The following ZCCHC17 variants were observed in gnomAD, a reference collection of about 807,000 sequenced individuals.
The protein encoded by ZCCHC17 is zinc finger CCHC-type containing 17.
A neutral mutation model predicts 30.6 loss-of-function variants in ZCCHC17; 18 were observed. The ratio of observed to expected loss-of-function variants is 0.59; its 90% CI spans 0.41 to 0.87. ZCCHC17 has a LOEUF of 0.87. ZCCHC17 is among the 40% of genes least tolerant of loss of function. The pLI is 0.00. For missense variants in ZCCHC17, 263 were observed against 284.2 expected, an observed-to-expected ratio of 0.93 and a Z score of 0.54; for synonymous variants, 88 against 92.4, an observed-to-expected ratio of 0.95 and a Z score of 0.27.
intron 7 of ZCCHC17, among the ~76,000 whole-genome samples, chr1:31,362,285 C>G (rs1639936566): frequency 1.3e-5 from 2 of 152,200 alleles, no homozygotes; most frequent in Non-Finnish European, 2.9e-5. Context: ...CTTCTAAGAC[C>G]TGGTGTATCA....
At chr1:31,361,862 A>C (rs1175911453) in intron 7 of ZCCHC17, among the ~76,000 whole-genome samples, 1 of 151,858 alleles carries the variant, frequency 6.6e-6, no homozygotes, top group African/African-American at 2.4e-5. Flanking sequence ...CCCAGCCTGG[A>C]GTGCAGTGGC....
intron 1 of ZCCHC17, among the ~76,000 whole-genome samples, chr1:31,304,308 G>T (rs375726799): frequency 6.7e-6 from 1 of 148,344 alleles, no homozygotes; most frequent in Non-Finnish European, 1.5e-5. Flanking sequence ...AGTCTCTGTT[G>T]CCCAGGGTGG....
At chr1:31,314,997 A>G (rs957696597) in intron 2 of ZCCHC17, among the ~76,000 whole-genome samples, 3 of 152,170 alleles carry the variant, frequency 2.0e-5, no homozygotes, top group Admixed American at 2.0e-4. Flanking sequence ...ATTGAGTTAT[A>G]GGAGGAATAT....
At chr1:31,300,206 T>C (rs1451831358) in intron 1 of ZCCHC17, among the ~76,000 whole-genome samples, 1 of 152,116 alleles carries the variant, frequency 6.6e-6, no homozygotes, top group Non-Finnish European at 1.5e-5. Flanking sequence ...ATAACAGGTA[T>C]GTGCCACCAT....
intron 3 of ZCCHC17, among the ~76,000 whole-genome samples, chr1:31,320,982 G>A (rs1210736137): frequency 6.6e-6 from 1 of 152,186 alleles, no homozygotes; most frequent in Non-Finnish European, 1.5e-5. Context: ...CCTAATGGAT[G>A]TGCACGGACA....
intron 3 of ZCCHC17, among the ~76,000 whole-genome samples, chr1:31,329,821 C>G (rs1483395900): frequency 6.6e-6 from 1 of 152,180 alleles, no homozygotes; most frequent in Admixed American, 6.5e-5. Flanking sequence ...CCTTAATTTC[C>G]TTATCCCTGA....
At chr1:31,353,745 C>T (rs1230132930) in intron 7 of ZCCHC17, among the ~76,000 whole-genome samples, 1 of 152,132 alleles carries the variant, frequency 6.6e-6, no homozygotes, top group Middle Eastern at 3.2e-3. Flanking sequence ...AAAGACTGTC[C>T]TTTTCCCCAC....
At chr1:31,327,539 A>G (rs1638403921) in intron 3 of ZCCHC17, among the ~76,000 whole-genome samples, 1 of 152,234 alleles carries the variant, frequency 6.6e-6, no homozygotes, top group African/African-American at 2.4e-5. Flanking sequence ...TTGCAGTTGC[A>G]GTGTGATGAA....
chr1:31,355,866 C>T (rs1639625070), intron 7 of ZCCHC17, among the ~76,000 whole-genome samples: 1 of 152,172 alleles, frequency 6.6e-6, no homozygotes, highest in African/African-American at 2.4e-5. Context: ...ATCTTGGATT[C>T]CAGCAGGAGG....
chr1:31,307,750 A>AT (rs1459895090), intron 1 of ZCCHC17, among the ~76,000 whole-genome samples: 1 of 151,008 alleles, frequency 6.6e-6, no homozygotes, highest in African/African-American at 2.4e-5. Context: ...CATTTTTTGT[A>AT]TTTTAGTAGA....
chr1:31,336,975 C>A, intron 3 of ZCCHC17, 200 bp from the exon 4 acceptor site: 1 of 449,168 alleles, frequency 2.2e-6, no homozygotes, highest in Non-Finnish European at 4.0e-6. Context: ...TGCCCGGCCA[C>A]TTTGAGCATT....
intron 1 of ZCCHC17, among the ~76,000 whole-genome samples, chr1:31,305,435 A>C (rs950084584): frequency 6.6e-6 from 1 of 151,992 alleles, no homozygotes; most frequent in Non-Finnish European, 1.5e-5. Flanking sequence ...AGGTGCCACT[A>C]TGCCGAGCTA....
chr1:31,321,126 A>G (rs539223834), intron 3 of ZCCHC17, among the ~76,000 whole-genome samples: 5 of 152,104 alleles, frequency 3.3e-5, no homozygotes, highest in South Asian at 2.1e-4. Context: ...TCCTCACCCA[A>G]ATCTCATCTT....
At chr1:31,349,058 A>T in intron 7 of ZCCHC17, 84 bp downstream of exon 7, 1 of 1,447,828 alleles carries the variant, frequency 6.9e-7, no homozygotes, top group Non-Finnish European at 9.2e-7. Flanking sequence ...AGCAGTACAC[A>T]CCTGTAGTCC....
intron 1 of ZCCHC17, among the ~76,000 whole-genome samples, chr1:31,304,458 A>G (rs1208039181): frequency 6.7e-6 from 1 of 148,236 alleles, no homozygotes; most frequent in Non-Finnish European, 1.5e-5. Context: ...TAATTTTTGT[A>G]TTTTTAGTAG....
At chr1:31,336,115 C>T (rs149309481) in intron 3 of ZCCHC17, among the ~76,000 whole-genome samples, 7 of 152,004 alleles carry the variant, frequency 4.6e-5, no homozygotes, top group African/African-American at 1.7e-4. Flanking sequence ...CTCTGTCACC[C>T]AGGCTGGAGT....
intron 7 of ZCCHC17, among the ~76,000 whole-genome samples, chr1:31,350,626 G>A (rs1639436189): frequency 6.6e-6 from 1 of 152,062 alleles, no homozygotes; most frequent in Non-Finnish European, 1.5e-5. Flanking sequence ...TTGAGATGGA[G>A]TGTCATTCTG....
At chr1:31,340,641 T>C (rs1350020180) in intron 5 of ZCCHC17, among the ~76,000 whole-genome samples, 2 of 152,212 alleles carry the variant, frequency 1.3e-5, no homozygotes, top group African/African-American at 4.8e-5. Flanking sequence ...TAACTGTTTT[T>C]AGTGTTTTAG....
chr1:31,339,463 A>G (rs1454578864), intron 5 of ZCCHC17, among the ~76,000 whole-genome samples: 1 of 152,196 alleles, frequency 6.6e-6, no homozygotes, highest in Non-Finnish European at 1.5e-5. Flanking sequence ...AGCTGAGATC[A>G]TGCCACTGCA....
Sources: gnomAD v4.1 joint callset for allele counts (sites outside exome capture counted in the v4.1 genomes callset) on GRCh38, gnomAD v4.1.1 for gene constraint, MANE v1.5 for transcripts, NCBI Gene and HGNC (gene_info 2026-07-23, HGNC 2026-07-21) for gene names.